The following TMPRSS9 variants were observed in gnomAD, a reference collection of about 807,000 sequenced individuals.
TMPRSS9 encodes transmembrane protease serine 9.
A neutral mutation model predicts 111.4 loss-of-function variants in TMPRSS9; 113 were observed. The observed-to-expected ratio is 1.01, with a 90% CI of 0.87 to 1.19. The LOEUF is 1.19. TMPRSS9 is among the 50% of genes most tolerant of loss of function. TMPRSS9 has a pLI of 0.00. For missense variants in TMPRSS9, 1,803 were observed against 1,513.1 expected, an observed-to-expected ratio of 1.19 and a Z score of -3.18; for synonymous variants, 805 against 659.1, an observed-to-expected ratio of 1.22 and a Z score of -3.39.
At chr19:2,372,820 T>C (rs1313065882) in intron 1 of TMPRSS9, among the ~76,000 whole-genome samples, 7 of 152,174 alleles carry the variant, frequency 4.6e-5, no homozygotes, top group Non-Finnish European at 1.0e-4. Context: ...TTCTAAACTT[T>C]TTTTAAATTA....
intron 15 of TMPRSS9, 147 bp downstream of exon 16, chr19:2,424,404 AC>A (rs949357784): frequency 1.5e-5 from 11 of 754,818 alleles, no homozygotes; most frequent in Non-Finnish European, 1.8e-5. Flanking sequence ...CACTCCTCCC[AC>A]CCCCCATCTC....
At chr19:2,421,553 C>G (rs981308717) in intron 13 of TMPRSS9, among the ~76,000 whole-genome samples, 1 of 152,074 alleles carries the variant, frequency 6.6e-6, no homozygotes, top group East Asian at 1.9e-4. Context: ...TCCTAAAGTG[C>G]TGGGATTACA....
chr19:2,418,239 T>C, intron 13 of TMPRSS9, 101 bp downstream of exon 14: 1 of 1,488,700 alleles, frequency 6.7e-7, no homozygotes, highest in Non-Finnish European at 9.1e-7. Flanking sequence ...TTTTCCTTTC[T>C]TTCCTTCCCC....
At chr19:2,412,275 A>G (rs1240045850) in intron 9 of TMPRSS9, among the ~76,000 whole-genome samples, 1 of 152,104 alleles carries the variant, frequency 6.6e-6, no homozygotes, top group Admixed American at 6.6e-5. Context: ...TTGGTGGTGC[A>G]TGCCTGTAGT....
intron 1 of TMPRSS9, among the ~76,000 whole-genome samples, chr19:2,362,294 GTATAGT>G (rs1970206944): frequency 1.3e-5 from 2 of 152,002 alleles, no homozygotes; most frequent in Admixed American, 6.6e-5. Context: ...GTGTGGTTGC[GTATAGT>G]TATGTCATGA....
chr19:2,413,022 C>G (rs141030889), intron 9 of TMPRSS9, among the ~76,000 whole-genome samples: 2 of 151,916 alleles, frequency 1.3e-5, no homozygotes, highest in Non-Finnish European at 2.9e-5. Flanking sequence ...GGTGAAACCC[C>G]GTCTCTACTA....
chr19:2,370,266 A>G (rs1970278031), intron 1 of TMPRSS9, among the ~76,000 whole-genome samples: 1 of 151,804 alleles, frequency 6.6e-6, no homozygotes, highest in Non-Finnish European at 1.5e-5. Flanking sequence ...AAAAATAACA[A>G]AAAAATTAGC....
chr19:2,367,354 T>C (rs1970255438), intron 1 of TMPRSS9, among the ~76,000 whole-genome samples: 2 of 152,120 alleles, frequency 1.3e-5, no homozygotes, highest in Admixed American at 6.6e-5. Flanking sequence ...ATGATGACTG[T>C]AAATATTGTT....
chr19:2,365,689 G>T (rs1970243271), intron 1 of TMPRSS9, among the ~76,000 whole-genome samples: 1 of 152,074 alleles, frequency 6.6e-6, no homozygotes, highest in Non-Finnish European at 1.5e-5. Flanking sequence ...GAGGCTGGGG[G>T]CATGATGGTG....
intron 1 of TMPRSS9, 195 bp from the exon 3 acceptor site, chr19:2,396,344 A>T: frequency 1.7e-6 from 1 of 590,014 alleles, no homozygotes; most frequent in Non-Finnish European, 2.7e-6. Context: ...CCAAACCAGG[A>T]TGCTTTTGGG....
In TMPRSS9 at chr19:2,425,080, G is replaced by GGC; in HGVS notation, c.2801_2802dup (p.Ile935AlafsTer125). 1 of 1,576,870 alleles carries GGC rather than the reference G, an allele frequency of 6.3e-7. No homozygotes were observed. Among genetic ancestry groups the GGC allele is most frequent in the Non-Finnish European group, 8.6e-7 (1 of 1,169,110 alleles). Reference sequence around the variant, plus strand: ...GCGCGGAGGGGCAGCTGGAGCGCGTGGCGCGCATCTACAAGCACCCGTTCT... The same window carrying GGC: ...GCGCGGAGGGGCAGCTGGAGCGCGTGGCGCGCGCATCTACAAGCACCCGTTCT... On this transcript the variant is annotated frameshift_variant, in exon 16 of 18. Transcript: ENST00000648592. LOFTEE classifies it high-confidence loss of function.
chr19:2,415,661 T>G lies in TMPRSS9; in HGVS notation c.1574-9T>G. On this transcript the variant is annotated splice_polypyrimidine_tract_variant and intron_variant, in intron 10 of 17. Transcript: ENST00000648592. ...GATCCCCAGACCTGGTCTTGTGTCCTCCTTCCAGAATGTGGGGCCAGGCCT... is the reference window on the plus strand; with the variant it reads ...GATCCCCAGACCTGGTCTTGTGTCCGCCTTCCAGAATGTGGGGCCAGGCCT... 6.3e-7 allele frequency: 1 copy of G among 1,579,574 alleles called. No homozygotes were observed. The highest frequency in any genetic ancestry group is 1.1e-5 in the South Asian group (1 of 87,238).
intron 1 of TMPRSS9, among the ~76,000 whole-genome samples, chr19:2,377,361 A>G (rs1490009383): frequency 1.4e-5 from 2 of 145,548 alleles, no homozygotes; most frequent in African/African-American, 5.2e-5. Flanking sequence ...TCTCAACATC[A>G]TGGGCTCAAG....
intron 7 of TMPRSS9, among the ~76,000 whole-genome samples, chr19:2,407,873 C>T (rs1208154163): frequency 3.9e-5 from 6 of 151,982 alleles, no homozygotes; most frequent in African/African-American, 1.4e-4. Context: ...CAACCTCCAC[C>T]TCCCGGGTTC....
At chr19:2,419,321 A>G (rs1971410840) in intron 13 of TMPRSS9, among the ~76,000 whole-genome samples, 1 of 149,118 alleles carries the variant, frequency 6.7e-6, no homozygotes, top group African/African-American at 2.5e-5. Context: ...CTCCTGCCTC[A>G]GCCTCCCGAG....
rs183733483 is a variant in TMPRSS9 at position 2,393,603 on chromosome 19, C to T, written c.143-2936C>T. On this transcript the variant is annotated intron_variant, in intron 1 of 17. Transcript: ENST00000648592. Reference sequence around the variant, plus strand: ...GAAACCCTGTCTCTACAAAAGAATGCAAACAATTAGCCAGGGCCAGGCATA... The same window carrying T: ...GAAACCCTGTCTCTACAAAAGAATGTAAACAATTAGCCAGGGCCAGGCATA... Among the ~76,000 whole-genome samples the T allele has an allele frequency of 5.9e-5, 9 of 152,172 alleles. No homozygotes were observed. In the East Asian group the frequency reaches 1.7e-3, roughly 29 times the overall value.
chr19:2,414,210 T>C lies in TMPRSS9; in HGVS notation c.1573+192T>C, dbSNP rs1026029889. On this transcript the variant is annotated intron_variant, in intron 10 of 17. Coordinates refer to ENST00000648592, the Ensembl canonical transcript of TMPRSS9. ...TTTCTGTCCACAGGTCTTGCCCATGTCTTGTTAACTATGGCGATCTATCAA... is the reference window on the plus strand; with the variant it reads ...TTTCTGTCCACAGGTCTTGCCCATGCCTTGTTAACTATGGCGATCTATCAA... 3.1e-5 allele frequency: 18 copies of C among 585,080 alleles called. No individual in the cohort carries two copies. In the African/African-American group the frequency reaches 3.3e-4, roughly 11 times the overall value. 36.2% of individuals were successfully genotyped at this position (585,080 alleles called of 1,614,324 possible).
chr19:2,426,034 C>CT lies in TMPRSS9; in HGVS notation c.3229dup (p.Tyr1077LeufsTer22). The CT allele has an allele frequency of 6.2e-7, 1 of 1,609,242 alleles. No individual in the cohort carries two copies. The highest frequency in any genetic ancestry group is 1.1e-5 in the South Asian group (1 of 90,620). The stretch of plus-strand genomic sequence containing the variant: ...GTGGCCGGCCCCACTTCCCAGGTGT[C>CT]TATACCCGGGTGGCAGCTGTGAGAG... On this transcript the variant is annotated frameshift_variant, in exon 18 of 18. Transcript: ENST00000648592. LOFTEE classifies it high-confidence loss of function.
chr19:2,400,878 G>T (rs1156988311), intron 4 of TMPRSS9, among the ~76,000 whole-genome samples: 1 of 151,318 alleles, frequency 6.6e-6, no homozygotes, highest in Non-Finnish European at 1.5e-5. Context: ...GGAGGCTGAG[G>T]CAGGAGAATT....
Sources: gnomAD v4.1 joint callset for allele counts (sites outside exome capture counted in the v4.1 genomes callset) on GRCh38, gnomAD v4.1.1 for gene constraint, MANE v1.5 for transcripts, NCBI Gene and HGNC (gene_info 2026-07-23, HGNC 2026-07-21) for gene names.